CADM2: variants seen among roughly 807,000 people sequenced by gnomAD.
The protein encoded by CADM2 is immunoglobulin superfamily member 4D.
Under a neutral mutation model 49.8 loss-of-function variants are expected in CADM2, and 12 were observed. The ratio of observed to expected loss-of-function variants is 0.24; its 90% CI spans 0.15 to 0.39. The LOEUF (loss-of-function observed/expected upper bound fraction) is 0.39. Ranked by LOEUF, CADM2 falls within the 10% of genes least tolerant of loss-of-function variation. The pLI is 1.00. For missense variants in CADM2, 378 were observed against 492.3 expected (o/e 0.77, Z 2.20); for synonymous variants, 214 against 175.4 (o/e 1.22, Z -1.74).
chr3:85,785,825 T>A (rs930749160), intron 2 of CADM2, among the ~76,000 whole-genome samples: 4 of 152,098 alleles, frequency 2.6e-5, no homozygotes, highest in Admixed American at 6.6e-5. Context: ...CTTGTACAAC[T>A]AAATCTAATC....
At chr3:85,994,476 C>T (rs557495192) in intron 8 of CADM2, 34 of 152,260 alleles carry the variant, frequency 2.2e-4, no homozygotes, top group Admixed American at 2.1e-3. Context: ...ACATGTCCAC[C>T]GGAGTAGCAC....
At chr3:85,407,501 C>T (rs1471566315) in intron 1 of CADM2, among the ~76,000 whole-genome samples, 1 of 152,138 alleles carries the variant, frequency 6.6e-6, no homozygotes, top group Admixed American at 6.5e-5. Context: ...CTATTAAACC[C>T]TTCTTCAGCT....
chr3:85,121,955 G>A (rs1179711920), intron 1 of CADM2, among the ~76,000 whole-genome samples: 1 of 151,766 alleles, frequency 6.6e-6, no homozygotes, highest in East Asian at 1.9e-4. Context: ...CTCATTCACA[G>A]GAGATGAGGT....
At chr3:85,297,947 G>C (rs1189527716) in intron 1 of CADM2, among the ~76,000 whole-genome samples, 2 of 151,964 alleles carry the variant, frequency 1.3e-5, no homozygotes, top group Non-Finnish European at 2.9e-5. Context: ...TTGAAAGGAA[G>C]AAATAAAAAA....
intron 1 of CADM2, among the ~76,000 whole-genome samples, chr3:85,308,340 CAA>C (rs1491454140): frequency 6.7e-6 from 1 of 149,134 alleles, no homozygotes; most frequent in Non-Finnish European, 1.5e-5. Flanking sequence ...CACACACACA[CAA>C]CACTCCATGT....
chr3:85,130,277 A>G (rs375098507), intron 1 of CADM2, among the ~76,000 whole-genome samples: 10 of 152,328 alleles, frequency 6.6e-5, no homozygotes, highest in East Asian at 5.8e-4. Flanking sequence ...CATTTTTTCT[A>G]ACCAAAACCC....
intron 2 of CADM2, among the ~76,000 whole-genome samples, chr3:85,797,961 A>G (rs7429346): frequency 0.65 from 98,999 of 152,044 alleles, 32,645 homozygotes; most frequent in East Asian, 0.77. Context: ...TCTAACAGGC[A>G]TGAGATAGTA....
At chr3:85,312,866 T>C (rs2290339) in intron 1 of CADM2, among the ~76,000 whole-genome samples, 15,923 of 152,170 alleles carry the variant, frequency 0.1, 982 homozygotes, top group African/African-American at 0.17. Flanking sequence ...TATAGAGCTA[T>C]GAGGCTAGTA....
chr3:85,437,544 C>T (rs2036989077), intron 1 of CADM2, among the ~76,000 whole-genome samples: 2 of 152,212 alleles, frequency 1.3e-5, no homozygotes, highest in East Asian at 1.9e-4. Context: ...TTTGACCACT[C>T]TAAGAGGTAT....
chr3:85,564,703 G>T (rs1457747562), intron 1 of CADM2, among the ~76,000 whole-genome samples: 2 of 151,942 alleles, frequency 1.3e-5, no homozygotes, highest in East Asian at 3.9e-4. Flanking sequence ...ATATGTTAAT[G>T]ATTTTTTTAA....
chr3:86,007,343 G>A lies in CADM2; in HGVS notation c.970+45696G>A, dbSNP rs2106872601. ...TAAAAAAACAGCAGCCAGTGAAGAT[G>A]TACTTGGACAGAGAAAAGAAGGAAA... On this transcript the variant is annotated intron_variant, in intron 8 of 9. Coordinates refer to ENST00000383699, the MANE Select transcript of CADM2 (RefSeq NM_001167675.2). Among the ~76,000 whole-genome samples the A allele has an allele frequency of 2.0e-5, 3 of 152,052 alleles. No homozygotes were observed. The Middle Eastern group carries it at 0.01, about 517-fold the overall frequency.
intron 1 of CADM2, among the ~76,000 whole-genome samples, chr3:85,368,698 G>A (rs1559803818): frequency 6.6e-6 from 1 of 151,688 alleles, no homozygotes; most frequent in Non-Finnish European, 1.5e-5. Flanking sequence ...CTCTCTTCAG[G>A]CATAATAATA....
intron 1 of CADM2, among the ~76,000 whole-genome samples, chr3:85,365,199 C>CTTTTTTTTTTTTTTTTTTTTTTTTTTTT (rs397962829): frequency 9.5e-6 from 1 of 104,716 alleles, no homozygotes; most frequent in Non-Finnish European, 1.8e-5. Flanking sequence ...TTTTTTTTTA[C>CTTTTTTTTTTTTTTTTTTTTTTTTTTTT]TTTTTTTTTT....
chr3:85,201,311 T>TGTAGTCTA (rs2041494505), intron 1 of CADM2, among the ~76,000 whole-genome samples: 1 of 152,218 alleles, frequency 6.6e-6, no homozygotes, highest in South Asian at 2.1e-4. Flanking sequence ...TACACTATAC[T>TGTAGTCTA]GTAGTCTATC....
At chr3:85,746,419 G>T (rs1055844964) in intron 2 of CADM2, among the ~76,000 whole-genome samples, 1 of 152,078 alleles carries the variant, frequency 6.6e-6, no homozygotes, top group Non-Finnish European at 1.5e-5. Flanking sequence ...AAAATATGGA[G>T]AATTTGTATT....
chr3:85,153,747 C>G (rs989017954), intron 1 of CADM2, among the ~76,000 whole-genome samples: 10 of 152,086 alleles, frequency 6.6e-5, no homozygotes, highest in African/African-American at 2.2e-4. Context: ...GATCTGAGAA[C>G]GGGCAGACTG....
intron 1 of CADM2, among the ~76,000 whole-genome samples, chr3:85,397,803 G>A (rs1219708605): frequency 6.6e-6 from 1 of 152,132 alleles, no homozygotes; most frequent in Non-Finnish European, 1.5e-5. Flanking sequence ...TCTGAAAATG[G>A]ATAGTGGTGA....
At chr3:85,109,845 G>A (rs2038385285) in intron 1 of CADM2, among the ~76,000 whole-genome samples, 1 of 151,896 alleles carries the variant, frequency 6.6e-6, no homozygotes, top group African/African-American at 2.4e-5. Flanking sequence ...TTTACATACA[G>A]CGTTGGTTCA....
At chr3:85,741,864 A>G (rs2068406474) in intron 2 of CADM2, among the ~76,000 whole-genome samples, 1 of 152,244 alleles carries the variant, frequency 6.6e-6, no homozygotes. Context: ...CTTCACAGAG[A>G]CTATTGGAAA....
Sources: allele counts gnomAD v4.1 joint callset (sites outside exome capture counted in the v4.1 genomes callset), GRCh38; gene constraint gnomAD v4.1.1; transcripts MANE v1.5; gene names NCBI Gene and HGNC (gene_info 2026-07-23, HGNC 2026-07-21).